AIG1: variants seen among roughly 807,000 people sequenced by gnomAD.
The protein encoded by AIG1 is androgen-induced gene 1 protein.
A neutral mutation model predicts 31.4 loss-of-function variants in AIG1; 23 were observed. The ratio of observed to expected loss-of-function variants is 0.73; its 90% CI spans 0.53 to 1.04. AIG1 has a LOEUF of 1.04. Ranked by LOEUF, AIG1 falls within the 50% of genes least tolerant of loss-of-function variation. The pLI is 0.00. For missense variants in AIG1, 274 were observed against 295.0 expected, an observed-to-expected ratio of 0.93 and a Z score of 0.52; for synonymous variants, 100 against 110.5, an observed-to-expected ratio of 0.90 and a Z score of 0.60.
chr6:143,128,832 G>A (rs1172917597), intron 1 of AIG1, among the ~76,000 whole-genome samples: 1 of 152,194 alleles, frequency 6.6e-6, no homozygotes, highest in African/African-American at 2.4e-5. Context: ...TTGGCAAACT[G>A]CTTCTTAAAT....
intron 3 of AIG1, among the ~76,000 whole-genome samples, chr6:143,225,562 A>G (rs1308026898): frequency 6.6e-6 from 1 of 152,228 alleles, no homozygotes; most frequent in Admixed American, 6.5e-5. Context: ...CTTTACTATT[A>G]TTGACAGTAA....
intron 4 of AIG1, among the ~76,000 whole-genome samples, chr6:143,323,123 T>C (rs1234077936): frequency 6.6e-6 from 1 of 152,160 alleles, no homozygotes; most frequent in East Asian, 1.9e-4. Flanking sequence ...GAGCTCAGAG[T>C]TGATCCCAAA....
At chr6:143,144,477 A>G (rs1410047077) in intron 2 of AIG1, among the ~76,000 whole-genome samples, 1 of 152,220 alleles carries the variant, frequency 6.6e-6, no homozygotes, top group Non-Finnish European at 1.5e-5. Context: ...GTATCCCCAA[A>G]GAGAGAGGGG....
At chr6:143,252,292 T>G (rs1324151973) in intron 3 of AIG1, among the ~76,000 whole-genome samples, 1 of 152,160 alleles carries the variant, frequency 6.6e-6, no homozygotes, top group African/African-American at 2.4e-5. Flanking sequence ...GCTAATTTTT[T>G]TAATTTTTAG....
intron 1 of AIG1, among the ~76,000 whole-genome samples, chr6:143,101,203 A>T (rs1310562473): frequency 6.6e-6 from 1 of 151,984 alleles, no homozygotes; most frequent in Non-Finnish European, 1.5e-5. Context: ...AGGAGAGAAA[A>T]TGAGGTAATG....
intron 3 of AIG1, among the ~76,000 whole-genome samples, chr6:143,240,866 C>T (rs1239019896): frequency 6.6e-6 from 1 of 152,210 alleles, no homozygotes; most frequent in South Asian, 2.1e-4. Context: ...TACCAATGGC[C>T]GGCCACCAGT....
intron 3 of AIG1, among the ~76,000 whole-genome samples, chr6:143,254,618 G>A (rs1795246340): frequency 1.3e-5 from 2 of 152,064 alleles, no homozygotes; most frequent in Admixed American, 6.6e-5. Context: ...GCAAGTCACT[G>A]ACTTAGATAA....
At chr6:143,176,581 G>T (rs776785462) in intron 3 of AIG1, among the ~76,000 whole-genome samples, 2 of 151,930 alleles carry the variant, frequency 1.3e-5, no homozygotes, top group Non-Finnish European at 2.9e-5. Flanking sequence ...TTCCCGGGGG[G>T]GTTATAGCTG....
At chr6:143,104,776 C>T (rs1212186790) in intron 1 of AIG1, among the ~76,000 whole-genome samples, 4 of 151,836 alleles carry the variant, frequency 2.6e-5, no homozygotes, top group Admixed American at 6.6e-5. Flanking sequence ...TGGTGATGTG[C>T]GCCTGATATC....
Position 143,340,359 on chromosome 6 carries a change from C to T in AIG1, c.*683C>T, listed in dbSNP as rs1168730429. On this transcript the variant is annotated 3_prime_UTR_variant, in exon 6 of 6. Coordinates refer to ENST00000357847, the MANE Select transcript of AIG1 (RefSeq NM_016108.4). Reference sequence around the variant, plus strand: ...CCTAACAGCATTAGTATCTCCTTTTCATTTTTATTACCTGTTGAAAATGGG... The same window carrying T: ...CCTAACAGCATTAGTATCTCCTTTTTATTTTTATTACCTGTTGAAAATGGG... 6.6e-6 allele frequency: 1 copy of T among 152,194 alleles called. No individual in the cohort carries two copies. The highest frequency in any genetic ancestry group is 1.5e-5 in the Non-Finnish European group (1 of 68,020). 9.4% of individuals were successfully genotyped at this position (152,194 alleles called of 1,614,324 possible). A position where few individuals can be genotyped will look rare whatever the true frequency, so the allele number is the denominator to read the frequency against.
In AIG1 at chr6:143,302,779, A is replaced by G. The variant is rs965451802; in HGVS notation, c.515+18554A>G. 1.4e-4 allele frequency among the ~76,000 whole-genome samples: 21 copies of G among 152,232 alleles called. 1 individual carries two copies. ...TGGGTCAAATGGCATTTCTAGTTCT[A>G]GATCCCTGAGGAATCGCCACACTGA... is the stretch of plus-strand genomic sequence containing the variant. On this transcript the variant is annotated intron_variant, in intron 4 of 5. Transcript: ENST00000357847.
At chr6:143,337,637 G>A (rs1399771679) in intron 5 of AIG1, among the ~76,000 whole-genome samples, 1 of 152,214 alleles carries the variant, frequency 6.6e-6, no homozygotes, top group Non-Finnish European at 1.5e-5. Context: ...AGGTTGGTGT[G>A]AGGACAGAGA....
chr6:143,181,335 A>G (rs1343306200), intron 3 of AIG1, among the ~76,000 whole-genome samples: 2 of 152,182 alleles, frequency 1.3e-5, no homozygotes, highest in Non-Finnish European at 2.9e-5. Context: ...TAAGACCCCC[A>G]AAAACCAGGA....
At chr6:143,225,884 C>T (rs1263585831) in intron 3 of AIG1, among the ~76,000 whole-genome samples, 2 of 152,182 alleles carry the variant, frequency 1.3e-5, no homozygotes, top group Non-Finnish European at 2.9e-5. Flanking sequence ...TGGCTCTACT[C>T]TCTCTTTTGG....
At chr6:143,306,486 G>A (rs1799322922) in intron 4 of AIG1, among the ~76,000 whole-genome samples, 1 of 152,290 alleles carries the variant, frequency 6.6e-6, no homozygotes, top group East Asian at 1.9e-4. Context: ...CACTTATGAA[G>A]CTTAGTTTGG....
At chr6:143,166,928 T>A (rs1272646026) in intron 3 of AIG1, among the ~76,000 whole-genome samples, 2 of 152,200 alleles carry the variant, frequency 1.3e-5, no homozygotes, top group Non-Finnish European at 2.9e-5. Flanking sequence ...GTGGCCACAT[T>A]TTATCTGAAC....
chr6:143,287,610 T>G (rs1348857637), intron 4 of AIG1, among the ~76,000 whole-genome samples: 1 of 152,108 alleles, frequency 6.6e-6, no homozygotes, highest in East Asian at 1.9e-4. Flanking sequence ...GGCCACTTTC[T>G]GGGTTGGAAA....
rs1433939363 is a variant in AIG1 at position 143,329,309 on chromosome 6, T to G, written c.516-3973T>G. ...CTTTGCCAGTTTTATGATAAGTTCT[T>G]TAGTCTGATCTCAGTTTCTTTACCT... On this transcript the variant is annotated intron_variant, in intron 4 of 5. Coordinates refer to ENST00000357847, the MANE Select transcript of AIG1 (RefSeq NM_016108.4). This position sits in a 1 kb window ranked among gnomAD's most constrained non-coding sequence, Gnocchi z 4.9. Among the ~76,000 whole-genome samples the G allele has an allele frequency of 2.6e-5, 4 of 152,228 alleles. No homozygotes were observed. The highest frequency in any genetic ancestry group is 5.9e-5 in the Non-Finnish European group (4 of 68,034).
intron 1 of AIG1, among the ~76,000 whole-genome samples, chr6:143,103,209 T>G (rs1423410576): frequency 1.3e-5 from 2 of 152,192 alleles, no homozygotes; most frequent in East Asian, 3.8e-4. Flanking sequence ...TGTGATGTAA[T>G]GGGGGTGTCA....
Sources: allele counts gnomAD v4.1 joint callset (sites outside exome capture counted in the v4.1 genomes callset), GRCh38; gene constraint gnomAD v4.1.1; non-coding constraint Gnocchi (gnomAD v3.1); transcripts MANE v1.5; gene names NCBI Gene and HGNC (gene_info 2026-07-23, HGNC 2026-07-21).